The following NDUFAF2 variants were observed in gnomAD, a reference collection of about 807,000 sequenced individuals.
The protein encoded by NDUFAF2 is NADH dehydrogenase [ubiquinone] 1 alpha subcomplex assembly factor 2.
NDUFAF2 carries 13 observed loss-of-function variants against 22.8 expected under a neutral mutation model. The observed-to-expected ratio is 0.57, with a 90% CI of 0.37 to 0.91. The LOEUF is 0.91. Ranked by LOEUF, NDUFAF2 falls within the 40% of genes least tolerant of loss-of-function variation. NDUFAF2 has a pLI of 0.01. For missense variants in NDUFAF2, 162 were observed against 195.2 expected (o/e 0.83, Z 1.01); for synonymous variants, 53 against 64.2 (o/e 0.83, Z 0.84).
chr5:61,011,595 A>G (rs893219385), intron 1 of NDUFAF2, among the ~76,000 whole-genome samples: 2 of 152,170 alleles, frequency 1.3e-5, no homozygotes, highest in African/African-American at 4.8e-5. Flanking sequence ...CATCATTTTC[A>G]GTGGTTTCCT....
chr5:61,152,597 G>A (rs1406299711), intron 3 of NDUFAF2, 107 bp from the exon 4 acceptor site: 4 of 743,294 alleles, frequency 5.4e-6, no homozygotes, highest in Non-Finnish European at 8.1e-6. Flanking sequence ...AAGTATGTAT[G>A]TATATATTTA....
intron 3 of NDUFAF2, among the ~76,000 whole-genome samples, chr5:61,126,673 C>A (rs532048068): frequency 3.9e-5 from 6 of 151,954 alleles, no homozygotes; most frequent in Non-Finnish European, 8.8e-5. Context: ...AATTTATTTG[C>A]GTATTGGCAA....
chr5:61,089,520 C>T (rs1392356971), intron 2 of NDUFAF2, among the ~76,000 whole-genome samples: 3 of 152,198 alleles, frequency 2.0e-5, no homozygotes, highest in Admixed American at 1.3e-4. Flanking sequence ...TAAGTGGTCA[C>T]GTTGAGCATT....
At chr5:61,121,153 A>G (rs1006574312) in intron 3 of NDUFAF2, among the ~76,000 whole-genome samples, 11 of 152,298 alleles carry the variant, frequency 7.2e-5, no homozygotes, top group Non-Finnish European at 2.9e-5. Context: ...GATGGTGATA[A>G]AATACTATGC....
chr5:60,960,196 T>C (rs1750666221), intron 1 of NDUFAF2, among the ~76,000 whole-genome samples: 1 of 152,146 alleles, frequency 6.6e-6, no homozygotes, highest in African/African-American at 2.4e-5. Context: ...AAAAGAGTTA[T>C]TTGTCTCCTT....
At chr5:61,107,416 T>C (rs2111778931) in intron 3 of NDUFAF2, among the ~76,000 whole-genome samples, 1 of 151,488 alleles carries the variant, frequency 6.6e-6, no homozygotes. Flanking sequence ...GATCTTTTGC[T>C]CATGTTTTAA....
chr5:60,970,308 T>C (rs1180145567), intron 1 of NDUFAF2, among the ~76,000 whole-genome samples: 2 of 152,178 alleles, frequency 1.3e-5, no homozygotes, highest in African/African-American at 2.4e-5. Flanking sequence ...TGTAGATTGC[T>C]TTGGATAGTA....
At chr5:61,026,604 G>T (rs1354429517) in intron 1 of NDUFAF2, among the ~76,000 whole-genome samples, 1 of 151,946 alleles carries the variant, frequency 6.6e-6, no homozygotes. Flanking sequence ...ATACGAGCTT[G>T]TTTTCTATGT....
intron 1 of NDUFAF2, among the ~76,000 whole-genome samples, chr5:60,985,747 C>T (rs1751064909): frequency 6.6e-6 from 1 of 151,928 alleles, no homozygotes; most frequent in Non-Finnish European, 1.5e-5. Context: ...TTTTTAAAAC[C>T]ATCAGATCTC....
At chr5:61,040,286 A>ACACACACGCGCG (rs1491193758) in intron 1 of NDUFAF2, among the ~76,000 whole-genome samples, 47 of 93,084 alleles carry the variant, frequency 5.0e-4, no homozygotes, top group African/African-American at 9.1e-4. Flanking sequence ...ACACACACAC[A>ACACACACGCGCG]CGCGCGCGCG....
At chr5:61,117,486 G>T (rs749161452) in intron 3 of NDUFAF2, among the ~76,000 whole-genome samples, 3 of 152,084 alleles carry the variant, frequency 2.0e-5, no homozygotes, top group Non-Finnish European at 4.4e-5. Context: ...CTCCCAAGTA[G>T]CTGGGGCTGC....
intron 1 of NDUFAF2, among the ~76,000 whole-genome samples, chr5:61,011,744 T>C (rs1482740379): frequency 6.6e-6 from 1 of 152,128 alleles, no homozygotes; most frequent in East Asian, 1.9e-4. Context: ...AACGTTATCA[T>C]TGGTCTTCCC....
chr5:61,104,922 G>C (rs1179233224), intron 3 of NDUFAF2, among the ~76,000 whole-genome samples: 1 of 152,112 alleles, frequency 6.6e-6, no homozygotes, highest in Non-Finnish European at 1.5e-5. Flanking sequence ...CATTTAAAGA[G>C]AATTGGCTAC....
intron 3 of NDUFAF2, among the ~76,000 whole-genome samples, chr5:61,137,481 T>C (rs1357373128): frequency 6.6e-6 from 1 of 152,236 alleles, no homozygotes; most frequent in Non-Finnish European, 1.5e-5. Flanking sequence ...GTTGTTCTTA[T>C]GTCTGGTTGG....
At chr5:61,011,765 T>C (rs528636287) in intron 1 of NDUFAF2, among the ~76,000 whole-genome samples, 14 of 152,268 alleles carry the variant, frequency 9.2e-5, no homozygotes, top group African/African-American at 3.4e-4. Flanking sequence ...TGGCAGGTTG[T>C]AGATGCTGTG....
chr5:60,954,500 TG>T (rs1750588561), intron 1 of NDUFAF2, among the ~76,000 whole-genome samples: 2 of 152,206 alleles, frequency 1.3e-5, no homozygotes, highest in South Asian at 4.1e-4. Context: ...CAGTATTCCC[TG>T]GTTACCTGAG....
intron 3 of NDUFAF2, among the ~76,000 whole-genome samples, chr5:61,103,342 T>C (rs1292136464): frequency 6.6e-6 from 1 of 152,150 alleles, no homozygotes; most frequent in African/African-American, 2.4e-5. Context: ...CTCCTGCTTA[T>C]GTTTAATTCC....
chr5:60,999,184 CATTGAA>C (rs139942878), intron 1 of NDUFAF2, among the ~76,000 whole-genome samples: 3,648 of 152,086 alleles, frequency 0.024, 61 homozygotes, highest in Non-Finnish European at 0.037. Flanking sequence ...TCAAGTTAAA[CATTGAA>C]TTACCATGGG....
intron 2 of NDUFAF2, among the ~76,000 whole-genome samples, chr5:61,091,292 C>T (rs1752565892): frequency 6.6e-6 from 1 of 152,200 alleles, no homozygotes; most frequent in Non-Finnish European, 1.5e-5. Flanking sequence ...AACCAATTTA[C>T]ACTCCCACCA....
Sources: allele counts gnomAD v4.1 joint callset (sites outside exome capture counted in the v4.1 genomes callset), GRCh38; gene constraint gnomAD v4.1.1; transcripts MANE v1.5; gene names NCBI Gene and HGNC (gene_info 2026-07-23, HGNC 2026-07-21).